Variants in CACNA2D1 observed in about 807,000 individuals in gnomAD.
The protein encoded by CACNA2D1 is voltage-dependent calcium channel subunit alpha-2/delta-1.
CACNA2D1 carries 53 observed loss-of-function variants against 171.5 expected under a neutral mutation model. The observed-to-expected ratio is 0.31, with a 90% CI of 0.25 to 0.39. The LOEUF is 0.39. CACNA2D1 is among the 10% of genes least tolerant of loss of function. The pLI is 1.00. For missense variants in CACNA2D1, 903 were observed against 1,299.8 expected, an observed-to-expected ratio of 0.69 and a Z score of 4.69; for synonymous variants, 442 against 443.1, an observed-to-expected ratio of 1.00 and a Z score of 0.03.
intron 3 of CACNA2D1, among the ~76,000 whole-genome samples, chr7:82,256,513 G>A (rs1436176075): frequency 6.6e-6 from 1 of 152,156 alleles, no homozygotes; most frequent in Non-Finnish European, 1.5e-5. Context: ...GTTATGAAGA[G>A]CATGTAATCA....
chr7:82,185,514 G>A (rs1314221936), intron 3 of CACNA2D1, among the ~76,000 whole-genome samples: 1 of 25,034 alleles, frequency 4.0e-5, no homozygotes, highest in Non-Finnish European at 9.2e-5. Context: ...GGGAGGGGGA[G>A]GAGGGGGAGG....
intron 7 of CACNA2D1, among the ~76,000 whole-genome samples, chr7:82,069,928 C>T (rs534052412): frequency 2.0e-5 from 3 of 152,136 alleles, no homozygotes; most frequent in Non-Finnish European, 4.4e-5. Context: ...TTAAAAGTCA[C>T]TCCTGGTCCT....
At chr7:82,065,943 T>C (rs1348371258) in intron 8 of CACNA2D1, among the ~76,000 whole-genome samples, 1 of 152,186 alleles carries the variant, frequency 6.6e-6, no homozygotes, top group Non-Finnish European at 1.5e-5. Flanking sequence ...TTACAAATTA[T>C]TGGTATTTTT....
intron 2 of CACNA2D1, among the ~76,000 whole-genome samples, chr7:82,340,664 T>A (rs781423833): frequency 6.6e-6 from 1 of 152,160 alleles, no homozygotes; most frequent in African/African-American, 2.4e-5. Context: ...GTGAGCAACA[T>A]ACAATTTCCA....
At chr7:82,080,864 G>C (rs1046752101) in intron 7 of CACNA2D1, among the ~76,000 whole-genome samples, 1 of 152,184 alleles carries the variant, frequency 6.6e-6, no homozygotes, top group Non-Finnish European at 1.5e-5. Flanking sequence ...CTGAGATAAA[G>C]AGAAAGCTGC....
At chr7:82,159,387 T>C (rs3801730) in intron 4 of CACNA2D1, among the ~76,000 whole-genome samples, 60,404 of 151,488 alleles carry the variant, frequency 0.4, 12,291 homozygotes, top group Middle Eastern at 0.53. Context: ...AGACTATTCA[T>C]CAAGTTTCCA....
intron 3 of CACNA2D1, among the ~76,000 whole-genome samples, chr7:82,302,545 G>T (rs1054099807): frequency 2.0e-5 from 3 of 151,800 alleles, no homozygotes; most frequent in African/African-American, 7.3e-5. Context: ...CTCCCCAGTA[G>T]CTGGGAAACA....
At position 82,019,504 on chromosome 7, in the gene CACNA2D1, G is replaced by A. The variant is rs141320249; in HGVS notation, c.1144-5025C>T. Among the ~76,000 whole-genome samples, 284 of 152,268 alleles carry A rather than the reference G, an allele frequency of 1.9e-3. 3 individuals carry two copies. Among genetic ancestry groups the A allele is most frequent in the African/African-American group, 6.6e-3 (274 of 41,560 alleles). On this transcript the variant is annotated intron_variant, in intron 12 of 38. Coordinates refer to ENST00000356860, the MANE Select transcript of CACNA2D1 (RefSeq NM_000722.4). ...GATTTGAGAAGACTTTTAAGTAAGA[G>A]CAGTTTTGGCTATTTACAATGTATT...
rs546585970 is a variant in CACNA2D1, at chr7:82,286,257, T to C, written c.294+48878A>G. 1.9e-4 allele frequency among the ~76,000 whole-genome samples: 29 copies of C among 152,282 alleles called. No individual in the cohort carries two copies. The South Asian group carries it at 6.0e-3, about 32-fold the overall frequency. On this transcript the variant is annotated intron_variant, in intron 3 of 38. Transcript: ENST00000356860. ...CCAAGCGATTGAGAAACACCCTTTCTCTGGGAAGTCTGTTTTTCCTGTCTT... is the reference window on the plus strand; with the variant it reads ...CCAAGCGATTGAGAAACACCCTTTCCCTGGGAAGTCTGTTTTTCCTGTCTT...
intron 16 of CACNA2D1, 116 bp from the exon 17 acceptor site, chr7:82,005,955 G>A (rs1045847262): frequency 1.4e-6 from 1 of 731,058 alleles, no homozygotes; most frequent in African/African-American, 1.7e-5. Context: ...TAGTTTAAAT[G>A]TATATATAGG....
At chr7:82,103,671 A>C (rs1390095662) in intron 6 of CACNA2D1, among the ~76,000 whole-genome samples, 1 of 57,864 alleles carries the variant, frequency 1.7e-5, no homozygotes, top group African/African-American at 5.0e-5. Flanking sequence ...GTGTATATAC[A>C]TATTCAGATT....
intron 3 of CACNA2D1, among the ~76,000 whole-genome samples, chr7:82,245,662 T>TCTCA (rs1242269052): frequency 2.1e-5 from 3 of 145,378 alleles, no homozygotes; most frequent in African/African-American, 7.8e-5. Flanking sequence ...TCTCTCTCTC[T>TCTCA]CACACACACA....
At chr7:82,404,695 T>A (rs1313818934) in intron 1 of CACNA2D1, among the ~76,000 whole-genome samples, 1 of 152,206 alleles carries the variant, frequency 6.6e-6, no homozygotes, top group Admixed American at 6.5e-5. Flanking sequence ...CAGACCCCAG[T>A]CAATACTATT....
At chr7:82,295,788 T>C (rs925318800) in intron 3 of CACNA2D1, among the ~76,000 whole-genome samples, 2 of 152,074 alleles carry the variant, frequency 1.3e-5, no homozygotes, top group Admixed American at 6.5e-5. Context: ...TAAATCATGC[T>C]GCTATAAAGA....
intron 4 of CACNA2D1, among the ~76,000 whole-genome samples, chr7:82,150,453 T>C (rs1193573438): frequency 6.7e-6 from 1 of 150,124 alleles, no homozygotes; most frequent in East Asian, 1.9e-4. Flanking sequence ...AAATCTCTAG[T>C]ACATATTTTT....
At chr7:82,220,814 T>C (rs991220108) in intron 3 of CACNA2D1, among the ~76,000 whole-genome samples, 2 of 147,038 alleles carry the variant, frequency 1.4e-5, no homozygotes, top group Non-Finnish European at 1.5e-5. Context: ...AATCTCACTC[T>C]GTCACCGATG....
chr7:82,176,128 C>T (rs1796520886), intron 3 of CACNA2D1, among the ~76,000 whole-genome samples: 1 of 151,948 alleles, frequency 6.6e-6, no homozygotes. Context: ...TCATTGTGTT[C>T]TGCCTGTGAC....
chr7:82,278,378 A>C (rs1809628025), intron 3 of CACNA2D1, among the ~76,000 whole-genome samples: 1 of 152,044 alleles, frequency 6.6e-6, no homozygotes, highest in African/African-American at 2.4e-5. Context: ...CGGGAGTTGG[A>C]GACCAGCCTG....
intron 4 of CACNA2D1, among the ~76,000 whole-genome samples, chr7:82,169,378 G>C (rs547626416): frequency 1.6e-4 from 24 of 152,042 alleles, no homozygotes; most frequent in African/African-American, 5.5e-4. Flanking sequence ...TAAGTGATAT[G>C]ATCAGTTCAG....
Sources: allele counts gnomAD v4.1 joint callset (sites outside exome capture counted in the v4.1 genomes callset), GRCh38; gene constraint gnomAD v4.1.1; transcripts MANE v1.5; gene names NCBI Gene and HGNC (gene_info 2026-07-23, HGNC 2026-07-21).